Variants in KLF12 observed in about 807,000 individuals in gnomAD.
KLF12 encodes the protein KLF transcription factor 12, also known as Krueppel-like factor 12.
A neutral mutation model predicts 37.8 loss-of-function variants in KLF12; 9 were observed. The ratio of observed to expected loss-of-function variants is 0.24; its 90% CI spans 0.14 to 0.42. The LOEUF is 0.42. Ranked by LOEUF, KLF12 falls within the 10% of genes least tolerant of loss-of-function variation. KLF12 has a pLI of 1.00. For missense variants in KLF12, 411 were observed against 516.0 expected (o/e 0.80, Z 1.97); for synonymous variants, 208 against 202.1 (o/e 1.03, Z -0.25).
At chr13:73,883,709 G>A (rs748560410) in intron 3 of KLF12, among the ~76,000 whole-genome samples, 26 of 152,176 alleles carry the variant, frequency 1.7e-4, no homozygotes, top group Non-Finnish European at 3.5e-4. Flanking sequence ...GTGACAAACA[G>A]GCATGTACAT....
chr13:74,190,609 A>G, the KLF12 span, among the ~76,000 whole-genome samples: 4,084 of 152,300 alleles, frequency 0.027, 85 homozygotes, highest in Middle Eastern at 0.075. Flanking sequence ...TTCCTCAATT[A>G]ATACTTTATC....
At chr13:74,215,218 A>G in the KLF12 span, among the ~76,000 whole-genome samples, 2 of 151,986 alleles carry the variant, frequency 1.3e-5, no homozygotes, top group Non-Finnish European at 2.9e-5. Flanking sequence ...TTTTTATGCT[A>G]CAAATTTTGT....
chr13:74,155,393 T>A, the KLF12 span, among the ~76,000 whole-genome samples: 2 of 151,692 alleles, frequency 1.3e-5, no homozygotes, highest in African/African-American at 4.8e-5. Context: ...CAGGGTTTTG[T>A]TCTTGTTGCC....
intron 3 of KLF12, among the ~76,000 whole-genome samples, chr13:73,861,750 A>G (rs1885936002): frequency 6.6e-6 from 1 of 152,112 alleles, no homozygotes; most frequent in Non-Finnish European, 1.5e-5. Flanking sequence ...TCATGTAAAT[A>G]TATCTACAGA....
intron 1 of KLF12, among the ~76,000 whole-genome samples, chr13:74,108,372 A>G (rs149160323): frequency 2.0e-5 from 3 of 152,246 alleles, no homozygotes; most frequent in Non-Finnish European, 2.9e-5. Flanking sequence ...GTTCATTTAC[A>G]TATTATTTTT....
intron 1 of KLF12, among the ~76,000 whole-genome samples, chr13:73,996,441 C>T (rs12385849): frequency 0.014 from 2,155 of 152,246 alleles, 43 homozygotes; most frequent in East Asian, 0.063. Context: ...AACTTCTTAG[C>T]CGAATGTTCA....
At chr13:73,766,735 G>T (rs78643684) in intron 5 of KLF12, among the ~76,000 whole-genome samples, 133 of 152,270 alleles carry the variant, frequency 8.7e-4, no homozygotes, top group Non-Finnish European at 1.6e-3. Flanking sequence ...GGAGTACAAA[G>T]AAACTATTTC....
At chr13:74,113,008 T>C (rs1566218224) in intron 1 of KLF12, among the ~76,000 whole-genome samples, 1 of 152,186 alleles carries the variant, frequency 6.6e-6, no homozygotes, top group Non-Finnish European at 1.5e-5. Context: ...CTGAGTGGTC[T>C]GGATAGAAGC....
chr13:73,939,375 T>C (rs1273276672), intron 3 of KLF12, among the ~76,000 whole-genome samples: 1 of 152,218 alleles, frequency 6.6e-6, no homozygotes, highest in African/African-American at 2.4e-5. Context: ...ACTATTTTCA[T>C]TTTTTTGGTT....
chr13:73,748,146 A>G (rs113461766), intron 6 of KLF12, among the ~76,000 whole-genome samples: 4,647 of 152,258 alleles, frequency 0.031, 116 homozygotes, highest in African/African-American at 0.069. Flanking sequence ...AACCAGGCAC[A>G]CCTGGGAGCA....
chr13:74,270,199 C>T, the KLF12 span, among the ~76,000 whole-genome samples: 1 of 152,034 alleles, frequency 6.6e-6, no homozygotes, highest in Admixed American at 6.5e-5. Context: ...TCAGATCACA[C>T]CTGATAGTGT....
chr13:73,842,566 T>C (rs1387992775), intron 4 of KLF12, among the ~76,000 whole-genome samples: 1 of 152,350 alleles, frequency 6.6e-6, no homozygotes, highest in East Asian at 1.9e-4. Flanking sequence ...GATATGCGCA[T>C]TCACAGTCCT....
chr13:73,987,505 T>A (rs74605078), intron 2 of KLF12, among the ~76,000 whole-genome samples: 10,901 of 151,986 alleles, frequency 0.072, 514 homozygotes, highest in Non-Finnish European at 0.1. Context: ...TTTGGTAAGG[T>A]ACTCTAAATA....
At chr13:74,209,946 T>A in the KLF12 span, among the ~76,000 whole-genome samples, 2 of 152,198 alleles carry the variant, frequency 1.3e-5, no homozygotes. Flanking sequence ...TGACCAAATG[T>A]GTGAAACTGG....
the KLF12 span, among the ~76,000 whole-genome samples, chr13:74,219,044 A>G: frequency 6.6e-6 from 1 of 150,610 alleles, no homozygotes; most frequent in Non-Finnish European, 1.5e-5. Flanking sequence ...TCACTGCTCC[A>G]TCTCTGGGTT....
At chr13:74,275,721 A>T in the KLF12 span, among the ~76,000 whole-genome samples, 1 of 150,018 alleles carries the variant, frequency 6.7e-6, no homozygotes, top group African/African-American at 2.5e-5. Context: ...TTCTAGACAC[A>T]GGGTCTCACT....
chr13:73,932,541 G>C (rs1889735073), intron 3 of KLF12, among the ~76,000 whole-genome samples: 1 of 152,132 alleles, frequency 6.6e-6, no homozygotes, highest in African/African-American at 2.4e-5. Flanking sequence ...CAAAACACTA[G>C]GGGAGTTTTC....
At chr13:74,211,777 T>C in the KLF12 span, among the ~76,000 whole-genome samples, 3 of 152,180 alleles carry the variant, frequency 2.0e-5, no homozygotes, top group African/African-American at 7.2e-5. Flanking sequence ...TGATGTTCAG[T>C]TGAAGATTTT....
rs116322234 is a variant in KLF12 at position 73,855,688 on chromosome 13, A to T, written c.124-9315T>A. 2.4e-3 allele frequency among the ~76,000 whole-genome samples: 360 copies of T among 152,204 alleles called. 1 individual carries two copies. Among genetic ancestry groups the T allele is most frequent in the African/African-American group, 8.1e-3 (338 of 41,532 alleles). On this transcript the variant is annotated intron_variant, in intron 3 of 7. Transcript: ENST00000377669. ...CCAAACTGCTCTCCACGGTGCTTGGACTAATTTACATTCCCAACCAAGGGC... is the reference window on the plus strand; with the variant it reads ...CCAAACTGCTCTCCACGGTGCTTGGTCTAATTTACATTCCCAACCAAGGGC...
Sources: gnomAD v4.1 joint callset for allele counts (sites outside exome capture counted in the v4.1 genomes callset) on GRCh38, gnomAD v4.1.1 for gene constraint, MANE v1.5 for transcripts, NCBI Gene and HGNC (gene_info 2026-07-23, HGNC 2026-07-21) for gene names.